Variants in CFAP61 observed in about 807,000 individuals in gnomAD.
CFAP61 encodes the protein cilia and flagella associated protein 61, also known as cilia- and flagella-associated protein 61.
Under a neutral mutation model 135.6 loss-of-function variants are expected in CFAP61, and 107 were observed. The ratio of observed to expected loss-of-function variants is 0.79; its 90% CI spans 0.67 to 0.93. The LOEUF (loss-of-function observed/expected upper bound fraction) is 0.93, where lower values mean the gene tolerates loss of function less well. Ranked by LOEUF, CFAP61 falls within the 40% of genes least tolerant of loss-of-function variation. CFAP61 has a pLI of 0.00. For synonymous variants in CFAP61, 575 were observed against 578.5 expected, an observed-to-expected ratio of 0.99 and a Z score of 0.09; for missense variants, 1,507 against 1,556.2, an observed-to-expected ratio of 0.97 and a Z score of 0.53.
intron 18 of CFAP61, among the ~76,000 whole-genome samples, chr20:20,245,523 C>T (rs1601595281): frequency 6.6e-6 from 1 of 152,214 alleles, no homozygotes; most frequent in Admixed American, 6.5e-5. Flanking sequence ...GATTCGGTTA[C>T]CTCTCACCAG....
At position 20,199,749 on chromosome 20, in the gene CFAP61, A is replaced by G. The variant is rs182149540; in HGVS notation, c.1798-19A>G. The G allele has an allele frequency of 6.6e-3, 10,663 of 1,613,644 alleles. 46 individuals are homozygous for G. Among genetic ancestry groups the G allele is most frequent in the Non-Finnish European group, 8.0e-3 (9,464 of 1,179,770 alleles). On this transcript the variant is annotated intron_variant, in intron 16 of 26. Coordinates refer to ENST00000245957, the MANE Select transcript of CFAP61 (RefSeq NM_015585.4). ...TCTCTGACATTCTCTCCCCTAAAAT[A>G]TAGATTGCTGTCTTTCAGTTCCAGA...
intron 20 of CFAP61, among the ~76,000 whole-genome samples, chr20:20,259,245 C>CCT (rs2051943567): frequency 1.3e-5 from 1 of 75,944 alleles, no homozygotes; most frequent in Non-Finnish European, 2.3e-5. Flanking sequence ...GCCCTTCCAT[C>CCT]TTTTTTTTTT....
chr20:20,144,571 T>C (rs939970320), intron 9 of CFAP61, among the ~76,000 whole-genome samples: 11 of 151,034 alleles, frequency 7.3e-5, no homozygotes, highest in Non-Finnish European at 1.5e-4. Flanking sequence ...ATATGTGTAA[T>C]AGAAGTCCAC....
chr20:20,229,474 G>A (rs996363095), intron 18 of CFAP61, among the ~76,000 whole-genome samples: 52 of 152,316 alleles, frequency 3.4e-4, no homozygotes, highest in African/African-American at 1.2e-3. Flanking sequence ...AACTACAGGT[G>A]CTGAGAGGTA....
chr20:20,216,697 T>C (rs1318428328), intron 17 of CFAP61, among the ~76,000 whole-genome samples: 1 of 152,246 alleles, frequency 6.6e-6, no homozygotes, highest in African/African-American at 2.4e-5. Context: ...AAAGTTTCCA[T>C]TGAGAGCATG....
chr20:20,069,856 C>T, intron 2 of CFAP61: 15 of 416,582 alleles, frequency 3.6e-5, no homozygotes, highest in South Asian at 2.6e-4. Context: ...CCTCTTCCTC[C>T]AGTTACATGC....
At chr20:20,123,971 GTTTTTTTTTT>G (rs35528584) in intron 8 of CFAP61, among the ~76,000 whole-genome samples, 1 of 65,268 alleles carries the variant, frequency 1.5e-5, no homozygotes, top group South Asian at 6.5e-4. Context: ...ATATTCCTAA[GTTTTTTTTTT>G]TTTTTTTTTT....
chr20:20,227,924 G>A (rs2048859541), intron 17 of CFAP61, among the ~76,000 whole-genome samples: 1 of 152,156 alleles, frequency 6.6e-6, no homozygotes, highest in Non-Finnish European at 1.5e-5. Context: ...TAGCTTGCCT[G>A]TCTCCTTGTA....
intron 9 of CFAP61, among the ~76,000 whole-genome samples, chr20:20,151,920 TAAAGTC>T (rs1379838416): frequency 6.6e-6 from 1 of 150,486 alleles, no homozygotes; most frequent in African/African-American, 2.4e-5. Context: ...TCAGGTTATC[TAAAGTC>T]AAAGTCAAGA....
At chr20:20,138,976 T>C (rs2051152101) in intron 8 of CFAP61, among the ~76,000 whole-genome samples, 1 of 152,256 alleles carries the variant, frequency 6.6e-6, no homozygotes. Flanking sequence ...AGTTGGGAAT[T>C]TGGCTCTCTT....
chr20:20,286,269 G>A (rs563484877), intron 22 of CFAP61, among the ~76,000 whole-genome samples: 9 of 152,336 alleles, frequency 5.9e-5, no homozygotes, highest in South Asian at 4.1e-4. Flanking sequence ...TGATAGTGGC[G>A]CCTCCTGGGC....
chr20:20,086,146 T>G (rs1474128898), intron 6 of CFAP61, among the ~76,000 whole-genome samples: 1 of 150,374 alleles, frequency 6.7e-6, no homozygotes, highest in African/African-American at 2.5e-5. Context: ...CTTTGCCAGT[T>G]TCTTTTTTTT....
intron 25 of CFAP61, among the ~76,000 whole-genome samples, chr20:20,332,099 G>A (rs1316973466): frequency 6.6e-6 from 1 of 152,196 alleles, no homozygotes; most frequent in Non-Finnish European, 1.5e-5. Context: ...AACCAGCAAT[G>A]TGCAAACAAA....
intron 25 of CFAP61, among the ~76,000 whole-genome samples, chr20:20,326,094 C>T (rs1602029369): frequency 1.3e-5 from 2 of 152,192 alleles, no homozygotes; most frequent in South Asian, 2.1e-4. Context: ...TCATGCCCAA[C>T]TCAAATGCTT....
chr20:20,112,308 A>G (rs2048854512), intron 8 of CFAP61, among the ~76,000 whole-genome samples: 2 of 152,148 alleles, frequency 1.3e-5, no homozygotes, highest in South Asian at 4.1e-4. Context: ...ATTTCTAGGA[A>G]CTTCATATAC....
At chr20:20,169,186 A>G (rs2054044186) in intron 12 of CFAP61, 135 bp from the exon 13 acceptor site, 2 of 771,552 alleles carry the variant, frequency 2.6e-6, no homozygotes, top group South Asian at 4.8e-5. Context: ...TCCAAATTAT[A>G]GGAAAGGTAA....
intron 8 of CFAP61, among the ~76,000 whole-genome samples, chr20:20,132,835 G>A (rs2050645548): frequency 6.6e-6 from 1 of 151,638 alleles, no homozygotes; most frequent in Admixed American, 6.6e-5. Flanking sequence ...TTACTTACAT[G>A]CCATATTTTT....
intron 8 of CFAP61, among the ~76,000 whole-genome samples, chr20:20,127,270 A>G (rs1568961390): frequency 6.6e-6 from 1 of 151,418 alleles, no homozygotes; most frequent in African/African-American, 2.4e-5. Flanking sequence ...AACTAGTGTG[A>G]TTTTTTGGGG....
intron 25 of CFAP61, among the ~76,000 whole-genome samples, chr20:20,304,074 G>A (rs1401099782): frequency 1.3e-5 from 2 of 152,120 alleles, no homozygotes; most frequent in African/African-American, 4.8e-5. Flanking sequence ...GAACCATATG[G>A]GGACACGAGG....
Sources: allele counts gnomAD v4.1 joint callset (sites outside exome capture counted in the v4.1 genomes callset), GRCh38; gene constraint gnomAD v4.1.1; transcripts MANE v1.5; gene names NCBI Gene and HGNC (gene_info 2026-07-23, HGNC 2026-07-21).